LMX1B: variants seen among roughly 807,000 people sequenced by gnomAD.
LMX1B encodes the protein LIM homeobox transcription factor 1-beta.
LMX1B carries 12 observed loss-of-function variants against 51.4 expected under a neutral mutation model. The ratio of observed to expected loss-of-function variants is 0.23; its 90% CI spans 0.15 to 0.38. LMX1B has a LOEUF of 0.38. Among genes scored for constraint, LMX1B ranks in the 10% least tolerant of loss-of-function variants. LMX1B has a pLI of 1.00. For missense variants in LMX1B, 445 were observed against 571.1 expected (o/e 0.78, Z 2.25); for synonymous variants, 237 against 235.4 (o/e 1.01, Z -0.06).
At chr9:126,678,528 G>GT (rs1407336667) in intron 2 of LMX1B, among the ~76,000 whole-genome samples, 3 of 152,152 alleles carry the variant, frequency 2.0e-5, no homozygotes, top group African/African-American at 7.2e-5. Context: ...CCCTGAGCAT[G>GT]TTTTTATCAC....
intron 2 of LMX1B, among the ~76,000 whole-genome samples, chr9:126,679,680 C>T (rs1033855694): frequency 1.3e-5 from 2 of 152,126 alleles, no homozygotes; most frequent in East Asian, 3.9e-4. Flanking sequence ...CTTTCTTTCT[C>T]GCCCACACTC....
rs2030335639 is a variant in LMX1B, at chr9:126,696,379, C to G, written c.1137C>G (p.Gly379=). ...GCTTCCTCGGCTCCTCAGACGTGGG[C>G]TCCCTGCAGGCCCGCGTGGGGAACC... is the stretch of plus-strand genomic sequence containing the variant. ...SDCFLGSSDV[G]SLQARVGNPI... Residue 379 remains glycine, a synonymous_variant, in exon 8 of 8, where the codon GGC becomes GGG. Transcript: ENST00000373474. 6.2e-7 allele frequency: 1 copy of G among 1,614,116 alleles called. No individual in the cohort carries two copies. The highest frequency in any genetic ancestry group is 1.3e-5 in the African/African-American group (1 of 75,044).
intron 2 of LMX1B, among the ~76,000 whole-genome samples, chr9:126,635,509 A>G (rs1263346749): frequency 6.6e-6 from 1 of 152,210 alleles, no homozygotes; most frequent in Non-Finnish European, 1.5e-5. Flanking sequence ...AGTCACACAC[A>G]TGACCTTTGA....
At chr9:126,645,830 C>T (rs180723292) in intron 2 of LMX1B, among the ~76,000 whole-genome samples, 9 of 152,260 alleles carry the variant, frequency 5.9e-5, no homozygotes, top group Admixed American at 1.3e-4. Flanking sequence ...AGGGGATTTC[C>T]AGCAAGAGAG....
rs746564355 is a variant in LMX1B, at chr9:126,615,601, C to T, written c.326+32C>T. 3.2e-6 allele frequency: 5 copies of T among 1,576,366 alleles called. No individual in the cohort carries two copies. The highest frequency in any genetic ancestry group is 1.8e-5 in the Admixed American group (1 of 56,346). On this transcript the variant is annotated intron_variant, in intron 2 of 7. Coordinates refer to ENST00000373474, the MANE Select transcript of LMX1B (RefSeq NM_001174147.2). The surrounding 1 kb of genome is among the most constrained non-coding windows in gnomAD (Gnocchi z 6.0). ...GCTTCTCGTCCTCCTTCCCCGCCACCGCCCGGCACTCGAGCCCGGTCAGCC... is the reference window on the plus strand; with the variant it reads ...GCTTCTCGTCCTCCTTCCCCGCCACTGCCCGGCACTCGAGCCCGGTCAGCC...
intron 2 of LMX1B, among the ~76,000 whole-genome samples, chr9:126,650,761 C>G (rs1284298124): frequency 6.6e-6 from 1 of 152,256 alleles, no homozygotes. Context: ...TGCAGCAAAA[C>G]TTGCTGCGCA....
At chr9:126,644,674 A>G (rs1293791206) in intron 2 of LMX1B, among the ~76,000 whole-genome samples, 1 of 151,814 alleles carries the variant, frequency 6.6e-6, no homozygotes, top group African/African-American at 2.4e-5. Flanking sequence ...GGCTCAGCCG[A>G]GTGAGAACTC....
At chr9:126,653,938 T>A (rs1003759955) in intron 2 of LMX1B, among the ~76,000 whole-genome samples, 3 of 152,106 alleles carry the variant, frequency 2.0e-5, no homozygotes, top group African/African-American at 7.2e-5. Flanking sequence ...ACTCTATTAA[T>A]CATTTCTGGA....
rs1472147772 is a variant in LMX1B, at chr9:126,658,786, T to C, written c.327-32050T>C. Among the ~76,000 whole-genome samples, 1 of 152,256 alleles carries C rather than the reference T, an allele frequency of 6.6e-6. No individual in the cohort carries two copies. The highest frequency in any genetic ancestry group is 1.5e-5 in the Non-Finnish European group (1 of 68,044). Reference sequence around the variant, plus strand: ...ATCAAGCCAAAACCTGGGAAAGTCATTTGCATTCATTGCAGCAGGAGAGAC... The same window carrying C: ...ATCAAGCCAAAACCTGGGAAAGTCACTTGCATTCATTGCAGCAGGAGAGAC... On this transcript the variant is annotated intron_variant, in intron 2 of 7. Coordinates refer to ENST00000373474, the MANE Select transcript of LMX1B (RefSeq NM_001174147.2). This position sits in a 1 kb window ranked among gnomAD's most constrained non-coding sequence, Gnocchi z 4.0.
chr9:126,645,493 C>T (rs997846673), intron 2 of LMX1B, among the ~76,000 whole-genome samples: 5 of 152,232 alleles, frequency 3.3e-5, no homozygotes, highest in African/African-American at 1.2e-4. Flanking sequence ...AAGCTGAGCA[C>T]AGACTGAATT....
rs1309672087 is a variant in LMX1B, at chr9:126,671,643, T to C, written c.327-19193T>C. On this transcript the variant is annotated intron_variant, in intron 2 of 7. Coordinates refer to ENST00000373474, the MANE Select transcript of LMX1B (RefSeq NM_001174147.2). This position sits in a 1 kb window ranked among gnomAD's most constrained non-coding sequence, Gnocchi z 4.4. ...CTCTAATCCTGTATCTTTTGAAAGATAGGCGCACCCCGGGATGAGAGGTCA... is the reference window on the plus strand; with the variant it reads ...CTCTAATCCTGTATCTTTTGAAAGACAGGCGCACCCCGGGATGAGAGGTCA... Among the ~76,000 whole-genome samples the C allele has an allele frequency of 6.6e-6, 1 of 152,194 alleles. No individual in the cohort carries two copies. Among genetic ancestry groups the C allele is most frequent in the Non-Finnish European group, 1.5e-5 (1 of 68,036 alleles).
rs890452295 is a variant in LMX1B, at chr9:126,617,904, C to T, written c.326+2335C>T. On this transcript the variant is annotated intron_variant, in intron 2 of 7. Transcript: ENST00000373474. ...GCGTTAGGCCGGCCGGCAGGATGTGCTGGGGGTGGGGGGTGGGGGGTGGGG... is the reference window on the plus strand; with the variant it reads ...GCGTTAGGCCGGCCGGCAGGATGTGTTGGGGGTGGGGGGTGGGGGGTGGGG... Among the ~76,000 whole-genome samples the T allele has an allele frequency of 1.6e-4, 15 of 95,528 alleles. No homozygotes were observed. The East Asian group carries it at 4.0e-3, about 26-fold the overall frequency. The allele number at this position is 95,528 out of a possible 152,430, so 62.7% of individuals were successfully genotyped here. A position where few individuals can be genotyped will look rare whatever the true frequency, so the allele number is the denominator to read the frequency against.
chr9:126,633,625 T>C (rs1454770436), intron 2 of LMX1B, among the ~76,000 whole-genome samples: 3 of 151,950 alleles, frequency 2.0e-5, no homozygotes, highest in Non-Finnish European at 2.9e-5. Context: ...CTCCGGGAGA[T>C]GGGAAGTGGG....
At chr9:126,623,305 T>C (rs1478549214) in intron 2 of LMX1B, among the ~76,000 whole-genome samples, 2 of 152,040 alleles carry the variant, frequency 1.3e-5, no homozygotes, top group Non-Finnish European at 2.9e-5. Flanking sequence ...GACACGTAGG[T>C]CCCATTTTTT....
At chr9:126,691,119 G>C (rs1343726729) in intron 3 of LMX1B, 51 bp downstream of exon 3, 1 of 1,473,700 alleles carries the variant, frequency 6.8e-7, no homozygotes, top group South Asian at 1.2e-5. Flanking sequence ...GGGTTGCTGG[G>C]GTGTCCTGGA....
chr9:126,687,717 T>C (rs1307054126), intron 2 of LMX1B, among the ~76,000 whole-genome samples: 3 of 152,310 alleles, frequency 2.0e-5, no homozygotes. Flanking sequence ...ATAAGTGAGC[T>C]GAGGCTCGAG....
At chr9:126,634,549 G>C (rs1372806154) in intron 2 of LMX1B, among the ~76,000 whole-genome samples, 1 of 152,166 alleles carries the variant, frequency 6.6e-6, no homozygotes, top group Non-Finnish European at 1.5e-5. Context: ...TGTCCCCATG[G>C]AGATTTTCAG....
intron 2 of LMX1B, among the ~76,000 whole-genome samples, chr9:126,655,265 C>T (rs1836091631): frequency 6.6e-6 from 1 of 152,234 alleles, no homozygotes; most frequent in Non-Finnish European, 1.5e-5. Flanking sequence ...AGCCTTGCCG[C>T]CTCACCCGAT....
intron 2 of LMX1B, among the ~76,000 whole-genome samples, chr9:126,647,969 C>T (rs1818504675): frequency 6.6e-6 from 1 of 152,242 alleles, no homozygotes; most frequent in Admixed American, 6.5e-5. Flanking sequence ...CGTCTGTGCC[C>T]TCCCACTCTG....
Sources: allele counts gnomAD v4.1 joint callset (sites outside exome capture counted in the v4.1 genomes callset), GRCh38; gene constraint gnomAD v4.1.1; non-coding constraint Gnocchi (gnomAD v3.1); transcripts MANE v1.5; gene names NCBI Gene and HGNC (gene_info 2026-07-23, HGNC 2026-07-21).